The following KAZN variants were observed in gnomAD, a reference collection of about 807,000 sequenced individuals.
The protein encoded by KAZN is kazrin.
KAZN carries 40 observed loss-of-function variants against 87.4 expected under a neutral mutation model. The ratio of observed to expected loss-of-function variants is 0.46; its 90% CI spans 0.36 to 0.60. KAZN has a LOEUF of 0.60. Ranked by LOEUF, KAZN falls within the 20% of genes least tolerant of loss-of-function variation. The pLI, the probability that KAZN is intolerant of heterozygous loss-of-function variation, is 0.00. For synonymous variants in KAZN, 466 were observed against 458.3 expected, an observed-to-expected ratio of 1.02 and a Z score of -0.22; for missense variants, 898 against 1,073.9, an observed-to-expected ratio of 0.84 and a Z score of 2.29.
chr1:14,734,692 G>A (rs116486038), intron 1 of KAZN, among the ~76,000 whole-genome samples: 1,788 of 152,278 alleles, frequency 0.012, 29 homozygotes, highest in African/African-American at 0.04. Context: ...AGCAAAGGCT[G>A]ATCTCATCGT....
At chr1:14,048,757 A>G (rs971036088) in intron 1 of KAZN, among the ~76,000 whole-genome samples, 1 of 152,178 alleles carries the variant, frequency 6.6e-6, no homozygotes, top group Non-Finnish European at 1.5e-5. Context: ...AAACCTTTCA[A>G]TGATTTATAA....
intron 2 of KAZN, among the ~76,000 whole-genome samples, chr1:14,537,426 A>T (rs992350660): frequency 1.3e-5 from 2 of 152,238 alleles, no homozygotes; most frequent in Non-Finnish European, 2.9e-5. Context: ...AATTTTTACA[A>T]CTTTAAATTT....
chr1:13,905,151 A>G (rs952356734), intron 1 of KAZN, among the ~76,000 whole-genome samples: 1 of 152,080 alleles, frequency 6.6e-6, no homozygotes, highest in Non-Finnish European at 1.5e-5. Flanking sequence ...GCTCTTGATC[A>G]TATGTTTTAT....
chr1:14,667,991 G>A (rs1028389), intron 1 of KAZN, among the ~76,000 whole-genome samples: 30,922 of 151,854 alleles, frequency 0.2, 3,268 homozygotes, highest in South Asian at 0.28. Flanking sequence ...AGCTCCAGGC[G>A]CAGGAATAAA....
At chr1:14,503,972 T>G (rs1670411829) in intron 2 of KAZN, among the ~76,000 whole-genome samples, 1 of 152,104 alleles carries the variant, frequency 6.6e-6, no homozygotes, top group Non-Finnish European at 1.5e-5. Context: ...GAGAGGCACG[T>G]AGGACAAAAC....
intron 1 of KAZN, among the ~76,000 whole-genome samples, chr1:13,936,096 G>GTTTGTTTTT: frequency 1.2e-5 from 1 of 84,846 alleles, no homozygotes; most frequent in South Asian, 6.1e-4. Flanking sequence ...TACAAGTGCA[G>GTTTGTTTTT]TTTTTTTTTT....
intron 1 of KAZN, among the ~76,000 whole-genome samples, chr1:14,734,188 C>G (rs935249654): frequency 5.3e-5 from 8 of 152,208 alleles, no homozygotes. Flanking sequence ...TAGCACCTAA[C>G]TCAGTGTTTC....
intron 1 of KAZN, among the ~76,000 whole-genome samples, chr1:14,045,966 C>A (rs1210316580): frequency 6.6e-6 from 1 of 152,094 alleles, no homozygotes; most frequent in Non-Finnish European, 1.5e-5. Context: ...GGAAAACGTA[C>A]AATTGAAAGA....
chr1:14,258,143 C>T (rs1393112400), intron 2 of KAZN, among the ~76,000 whole-genome samples: 2 of 90,988 alleles, frequency 2.2e-5, no homozygotes, highest in Non-Finnish European at 6.1e-5. Flanking sequence ...CTCCACCGTC[C>T]CAAAACTGTC....
At chr1:14,639,239 C>A (rs776918440) in intron 1 of KAZN, among the ~76,000 whole-genome samples, 23 of 152,142 alleles carry the variant, frequency 1.5e-4, no homozygotes, top group Non-Finnish European at 8.8e-5. Context: ...GAAGGGGAGA[C>A]CTCCCATTTG....
chr1:14,955,381 G>A (rs1259434597), intron 1 of KAZN, among the ~76,000 whole-genome samples: 1 of 152,224 alleles, frequency 6.6e-6, no homozygotes, highest in African/African-American at 2.4e-5. Flanking sequence ...CCCCTGAGCT[G>A]GTGAATTGAG....
chr1:14,077,684 G>A (rs543308459), intron 1 of KAZN, among the ~76,000 whole-genome samples: 2 of 152,316 alleles, frequency 1.3e-5, no homozygotes, highest in South Asian at 4.1e-4. Flanking sequence ...AAGATATGTG[G>A]AAATCCTAAG....
intron 2 of KAZN, among the ~76,000 whole-genome samples, chr1:14,490,836 C>T (rs1473950670): frequency 2.0e-5 from 3 of 152,270 alleles, no homozygotes; most frequent in East Asian, 1.9e-4. Flanking sequence ...TCCACATAAT[C>T]GATTTCAACA....
In KAZN at chr1:14,083,887, A is replaced by G. The variant is rs1643768218; in HGVS notation, c.92-96548A>G. On this transcript the variant is annotated intron_variant, in intron 1 of 16. Transcript: ENST00000636203. ...CCTCCCACACTTTCTTCTATTTAAC[A>G]AATATTTATGAATCACTTACTGTGT... Among the ~76,000 whole-genome samples, 6 of 152,328 alleles carry G rather than the reference A, an allele frequency of 3.9e-5. No individual in the cohort carries two copies. The South Asian group carries it at 1.2e-3, about 32-fold the overall frequency.
At chr1:14,965,501 T>C (rs1284963891) in intron 2 of KAZN, among the ~76,000 whole-genome samples, 1 of 152,262 alleles carries the variant, frequency 6.6e-6, no homozygotes, top group East Asian at 1.9e-4. Context: ...CTTCATTCCT[T>C]TTTAAATCTC....
chr1:14,814,904 G>A (rs1646518817), intron 1 of KAZN, among the ~76,000 whole-genome samples: 1 of 152,212 alleles, frequency 6.6e-6, no homozygotes. Flanking sequence ...TGCTGGAGAT[G>A]ATTAATAATA....
intron 5 of KAZN, among the ~76,000 whole-genome samples, chr1:15,058,775 C>T (rs1638525841): frequency 6.6e-6 from 1 of 152,156 alleles, no homozygotes; most frequent in Non-Finnish European, 1.5e-5. Flanking sequence ...AAGCCCAGCA[C>T]TTTGGGAGGC....
intron 1 of KAZN, among the ~76,000 whole-genome samples, chr1:13,984,321 T>C (rs1305674078): frequency 6.6e-6 from 1 of 152,218 alleles, no homozygotes; most frequent in Non-Finnish European, 1.5e-5. Flanking sequence ...ATTTGGATTA[T>C]TAATCAGAAA....
At chr1:14,674,047 C>G (rs1640072679) in intron 1 of KAZN, among the ~76,000 whole-genome samples, 1 of 152,152 alleles carries the variant, frequency 6.6e-6, no homozygotes, top group South Asian at 2.1e-4. Context: ...AATCCAAACT[C>G]CTCATCTTAT....
Sources: gnomAD v4.1 joint callset for allele counts (sites outside exome capture counted in the v4.1 genomes callset) on GRCh38, gnomAD v4.1.1 for gene constraint, MANE v1.5 for transcripts, NCBI Gene and HGNC (gene_info 2026-07-23, HGNC 2026-07-21) for gene names.